SLC26A7: variants seen among roughly 807,000 people sequenced by gnomAD.
SLC26A7 encodes the protein solute carrier family 26 member 7.
A neutral mutation model predicts 82.5 loss-of-function variants in SLC26A7; 59 were observed. That is an observed-to-expected ratio of 0.72 (90% CI 0.58 to 0.89). The LOEUF is 0.89. SLC26A7 is among the 40% of genes least tolerant of loss of function. The pLI is 0.00. For synonymous variants in SLC26A7, 271 were observed against 274.3 expected, an observed-to-expected ratio of 0.99 and a Z score of 0.12; for missense variants, 820 against 793.0, an observed-to-expected ratio of 1.03 and a Z score of -0.41.
chr8:91,243,309 T>C (rs1168672725), intron 2 of SLC26A7, among the ~76,000 whole-genome samples: 8 of 152,146 alleles, frequency 5.3e-5, no homozygotes, highest in African/African-American at 1.7e-4. Context: ...TGATACAATA[T>C]ATAAAACGAT....
intron 15 of SLC26A7, among the ~76,000 whole-genome samples, chr8:91,378,391 T>TTA (rs1185288447): frequency 6.8e-6 from 1 of 146,646 alleles, no homozygotes; most frequent in African/African-American, 2.5e-5. Context: ...ATAATATATA[T>TTA]TATATATAAT....
At chr8:91,255,900 T>C (rs925845458) in intron 2 of SLC26A7, among the ~76,000 whole-genome samples, 8 of 152,090 alleles carry the variant, frequency 5.3e-5, no homozygotes, top group African/African-American at 1.9e-4. Flanking sequence ...TGGCAGTGAG[T>C]GTCAGGATGA....
chr8:91,261,423 G>A (rs938619275), intron 2 of SLC26A7, among the ~76,000 whole-genome samples: 2 of 152,176 alleles, frequency 1.3e-5, no homozygotes, highest in East Asian at 3.9e-4. Flanking sequence ...CTTAATGAAA[G>A]TTTGTGGAGT....
At chr8:91,346,966 C>A (rs1372641218) in intron 9 of SLC26A7, among the ~76,000 whole-genome samples, 2 of 152,114 alleles carry the variant, frequency 1.3e-5, no homozygotes, top group African/African-American at 4.8e-5. Flanking sequence ...GTCCTTAGTG[C>A]TATTTGACAT....
chr8:91,382,522 T>A (rs1018284804), intron 15 of SLC26A7, among the ~76,000 whole-genome samples: 7 of 152,214 alleles, frequency 4.6e-5, no homozygotes, highest in Admixed American at 2.6e-4. Context: ...AGGTACACAC[T>A]TCTTTTCAAT....
chr8:91,308,337 T>A (rs1187530869), intron 4 of SLC26A7, among the ~76,000 whole-genome samples: 4 of 151,962 alleles, frequency 2.6e-5, no homozygotes, highest in Non-Finnish European at 5.9e-5. Context: ...TTAACCATTT[T>A]TCAGTGTGTA....
upstream of SLC26A7, among the ~76,000 whole-genome samples, chr8:91,247,565 T>G (rs188948072): frequency 2.6e-5 from 4 of 152,264 alleles, no homozygotes; most frequent in Admixed American, 2.6e-4. Flanking sequence ...CAAAAAAGAT[T>G]TTTAGGAAAG....
intron 18 of SLC26A7, chr8:91,394,314 G>T (rs752847021): frequency 4.3e-6 from 7 of 1,610,828 alleles, no homozygotes; most frequent in Non-Finnish European, 5.9e-6. Flanking sequence ...CTGCTTACTT[G>T]TACAACAAAT....
At chr8:91,343,885 A>C (rs982733484) in intron 9 of SLC26A7, 3 of 389,276 alleles carry the variant, frequency 7.7e-6, no homozygotes, top group Admixed American at 1.3e-4. Context: ...GTACAAGTAT[A>C]TAAATGAATA....
intron 2 of SLC26A7, among the ~76,000 whole-genome samples, chr8:91,239,397 T>A (rs60107084): frequency 0.36 from 30,797 of 85,820 alleles, 4,880 homozygotes; most frequent in South Asian, 0.46. Flanking sequence ...AAAAAAAAAA[T>A]ATATATATAT....
In SLC26A7 at chr8:91,397,255, C is replaced by G. The variant is rs1808596621; in HGVS notation, c.*2158C>G. 6.6e-6 allele frequency: 1 copy of G among 151,978 alleles called. No individual in the cohort carries two copies. Among genetic ancestry groups the G allele is most frequent in the Non-Finnish European group, 1.5e-5 (1 of 67,920 alleles). The allele number at this position is 151,978 out of a possible 1,614,324, so 9.4% of individuals were successfully genotyped here. Reference sequence around the variant, plus strand: ...CACCAAGGCTACAATGACTGTTAACCTGGAGGAAGTCTCTGGTATGGAGTT... The same window carrying G: ...CACCAAGGCTACAATGACTGTTAACGTGGAGGAAGTCTCTGGTATGGAGTT... On this transcript the variant is annotated 3_prime_UTR_variant, in exon 19 of 19. Coordinates refer to ENST00000276609, the MANE Select transcript of SLC26A7 (RefSeq NM_052832.4).
intron 7 of SLC26A7, among the ~76,000 whole-genome samples, chr8:91,338,662 A>T (rs746627126): frequency 6.6e-6 from 1 of 152,136 alleles, no homozygotes; most frequent in Non-Finnish European, 1.5e-5. Flanking sequence ...GGTAGTATAT[A>T]ATAATGAGAG....
chr8:91,276,236 TAAAA>T (rs137934308), intron 2 of SLC26A7, among the ~76,000 whole-genome samples: 16,690 of 152,046 alleles, frequency 0.11, 1,060 homozygotes, highest in Middle Eastern at 0.21. Context: ...ATAGAAATCA[TAAAA>T]AGAAAGACAT....
At chr8:91,388,450 T>C (rs1384576673) in intron 15 of SLC26A7, among the ~76,000 whole-genome samples, 1 of 152,226 alleles carries the variant, frequency 6.6e-6, no homozygotes, top group Non-Finnish European at 1.5e-5. Flanking sequence ...CCCACTTTTA[T>C]GTAGCCACTA....
In SLC26A7 at chr8:91,249,631, C is replaced by T. The variant is rs1157843344; in HGVS notation, c.-21C>T. The T allele has an allele frequency of 2.1e-5, 32 of 1,489,740 alleles. No individual in the cohort carries two copies. The highest frequency in any genetic ancestry group is 2.9e-5 in the Non-Finnish European group (32 of 1,120,082). 92.3% of individuals were successfully genotyped at this position (1,489,740 alleles called of 1,614,324 possible). On this transcript the variant is annotated 5_prime_UTR_variant, in exon 2 of 19. Coordinates refer to ENST00000276609, the MANE Select transcript of SLC26A7 (RefSeq NM_052832.4). ...TTTTCTTGTTTAGAGAAGTTTACTTCTACAAGAAGAAATCTGAAAAATGAC... is the reference window on the plus strand; with the variant it reads ...TTTTCTTGTTTAGAGAAGTTTACTTTTACAAGAAGAAATCTGAAAAATGAC...
intron 1 of SLC26A7, among the ~76,000 whole-genome samples, chr8:91,212,237 CTAAA>C (rs771072832): frequency 2.0e-5 from 3 of 152,102 alleles, no homozygotes; most frequent in Admixed American, 6.5e-5. Flanking sequence ...TAGACCTAAC[CTAAA>C]TAGTCTCATA....
intron 5 of SLC26A7, among the ~76,000 whole-genome samples, chr8:91,327,266 G>A (rs1257678143): frequency 2.0e-5 from 3 of 152,122 alleles, no homozygotes; most frequent in Non-Finnish European, 2.9e-5. Context: ...GATGCAATCA[G>A]TAAATATAAT....
chr8:91,340,671 G>C (rs764548008), intron 8 of SLC26A7, 120 bp downstream of exon 8: 1 of 1,197,018 alleles, frequency 8.4e-7, no homozygotes, highest in East Asian at 2.5e-5. Flanking sequence ...GCAAGAGTGG[G>C]TTGAACAAAA....
intron 11 of SLC26A7, among the ~76,000 whole-genome samples, chr8:91,361,835 AT>A (rs1814058594): frequency 6.6e-6 from 1 of 152,114 alleles, no homozygotes; most frequent in African/African-American, 2.4e-5. Context: ...CTTCATAGTG[AT>A]TGATCTAAAA....
Sources: allele counts gnomAD v4.1 joint callset (sites outside exome capture counted in the v4.1 genomes callset), GRCh38; gene constraint gnomAD v4.1.1; transcripts MANE v1.5; gene names NCBI Gene and HGNC (gene_info 2026-07-23, HGNC 2026-07-21).